The following TMEM150C variants were observed in gnomAD, a reference collection of about 807,000 sequenced individuals.
TMEM150C encodes the protein tentonin 3.
A neutral mutation model predicts 29.9 loss-of-function variants in TMEM150C; 10 were observed. That is an observed-to-expected ratio of 0.33 (90% CI 0.21 to 0.57). TMEM150C has a LOEUF of 0.57. TMEM150C is among the 20% of genes least tolerant of loss of function. The probability of loss-of-function intolerance (pLI) is 0.88; values close to 1 mark genes in which losing one functional copy is unlikely to be tolerated. For missense variants in TMEM150C, 251 were observed against 303.6 expected, an observed-to-expected ratio of 0.83 and a Z score of 1.29; for synonymous variants, 101 against 112.5, an observed-to-expected ratio of 0.90 and a Z score of 0.64.
chr4:82,561,649 G>A (rs1725934726), intron 1 of TMEM150C, among the ~76,000 whole-genome samples: 1 of 147,698 alleles, frequency 6.8e-6, no homozygotes, highest in African/African-American at 2.4e-5. Flanking sequence ...AGGTCGCGGG[G>A]CAGAGCCGGC....
chr4:82,534,535 A>T (rs1437742480), intron 1 of TMEM150C, among the ~76,000 whole-genome samples: 1 of 152,232 alleles, frequency 6.6e-6, no homozygotes, highest in South Asian at 2.1e-4. Flanking sequence ...AAATAAATGG[A>T]GAGACAGTAA....
intron 5 of TMEM150C, 91 bp from the exon 6 acceptor site, chr4:82,496,286 T>A (rs547514087): frequency 7.6e-7 from 1 of 1,307,648 alleles, no homozygotes; most frequent in Admixed American, 2.3e-5. Context: ...TTTTTTATGC[T>A]GCACTATTTT....
At chr4:82,521,494 T>C (rs1244336443) in intron 1 of TMEM150C, among the ~76,000 whole-genome samples, 2 of 152,218 alleles carry the variant, frequency 1.3e-5, no homozygotes, top group Non-Finnish European at 1.5e-5. Flanking sequence ...AGCCTGAAAA[T>C]TGCCATACAC....
intron 1 of TMEM150C, among the ~76,000 whole-genome samples, chr4:82,552,180 G>A (rs1013092128): frequency 3.9e-5 from 6 of 152,090 alleles, no homozygotes; most frequent in South Asian, 2.1e-4. Context: ...CATGCTTCTC[G>A]TACAGCCTGC....
chr4:82,513,977 T>C (rs1724212776), intron 1 of TMEM150C, among the ~76,000 whole-genome samples: 1 of 152,238 alleles, frequency 6.6e-6, no homozygotes, highest in South Asian at 2.1e-4. Flanking sequence ...GCCAGTAATA[T>C]GACTGTTGCA....
intron 1 of TMEM150C, among the ~76,000 whole-genome samples, chr4:82,557,362 C>T (rs1725766165): frequency 6.6e-6 from 1 of 152,144 alleles, no homozygotes; most frequent in South Asian, 2.1e-4. Context: ...TCAGCTGCTC[C>T]TGGAGCCAGG....
At chr4:82,558,067 T>C (rs534917923) in intron 1 of TMEM150C, among the ~76,000 whole-genome samples, 1 of 152,210 alleles carries the variant, frequency 6.6e-6, no homozygotes, top group South Asian at 2.1e-4. Flanking sequence ...GATTATGAAG[T>C]CAAATCTCAA....
intron 1 of TMEM150C, among the ~76,000 whole-genome samples, chr4:82,541,912 T>C (rs1725213453): frequency 6.6e-6 from 1 of 152,220 alleles, no homozygotes; most frequent in Non-Finnish European, 1.5e-5. Flanking sequence ...TCTATAATAT[T>C]ATTTTGTTTT....
chr4:82,496,867 T>C (rs1578124266), intron 5 of TMEM150C, among the ~76,000 whole-genome samples: 2 of 152,222 alleles, frequency 1.3e-5, no homozygotes, highest in East Asian at 3.8e-4. Flanking sequence ...ACAACAAAGA[T>C]AGTTAATCCA....
chr4:82,487,107 C>G (rs1723188298), intron 7 of TMEM150C, among the ~76,000 whole-genome samples: 1 of 152,084 alleles, frequency 6.6e-6, no homozygotes, highest in Non-Finnish European at 1.5e-5. Flanking sequence ...AAAAAAGATT[C>G]CACGTGTTCA....
chr4:82,551,428 TG>T (rs1259579889), intron 1 of TMEM150C, among the ~76,000 whole-genome samples: 1 of 152,218 alleles, frequency 6.6e-6, no homozygotes, highest in Non-Finnish European at 1.5e-5. Context: ...AAATCATATT[TG>T]AATGAATGAG....
At position 82,486,257 on chromosome 4, in the gene TMEM150C, T is replaced by A. The variant is rs573187699; in HGVS notation, c.542-538A>T. Among the ~76,000 whole-genome samples, 822 of 131,670 alleles carry A rather than the reference T, an allele frequency of 6.2e-3. 11 individuals are homozygous for A. Among genetic ancestry groups the A allele is most frequent in the African/African-American group, 0.022 (740 of 33,968 alleles). 86.4% of individuals were successfully genotyped at this position (131,670 alleles called of 152,430 possible). ...GTTTGCCAGAAAAATTAAGCTATTT[T>A]AAAAAAAAATCACTGCAAATGGTGA... is the stretch of plus-strand genomic sequence containing the variant. On this transcript the variant is annotated intron_variant, in intron 7 of 7. Coordinates refer to ENST00000449862, the MANE Select transcript of TMEM150C (RefSeq NM_001080506.3).
chr4:82,510,680 G>A (rs966505420), intron 1 of TMEM150C, among the ~76,000 whole-genome samples: 2 of 152,210 alleles, frequency 1.3e-5, no homozygotes, highest in East Asian at 1.9e-4. Context: ...TGAAAGTGCT[G>A]TTGGGGGTCT....
intron 7 of TMEM150C, among the ~76,000 whole-genome samples, chr4:82,487,319 T>C (rs561195756): frequency 3.6e-4 from 55 of 152,228 alleles, no homozygotes; most frequent in African/African-American, 1.3e-3. Flanking sequence ...TGTTTTGGTG[T>C]GTGCCTGTAA....
chr4:82,549,895 C>T (rs1055015097), intron 1 of TMEM150C, among the ~76,000 whole-genome samples: 1 of 151,966 alleles, frequency 6.6e-6, no homozygotes, highest in Non-Finnish European at 1.5e-5. Flanking sequence ...GGTACAGGAC[C>T]ACAGAAGAGA....
At chr4:82,500,761 T>C (rs538756962) in intron 5 of TMEM150C, among the ~76,000 whole-genome samples, 5 of 152,384 alleles carry the variant, frequency 3.3e-5, no homozygotes, top group Admixed American at 3.3e-4. Context: ...TAAAGACCAC[T>C]GGGAAATATC....
At chr4:82,521,106 A>G (rs1724470503) in intron 1 of TMEM150C, among the ~76,000 whole-genome samples, 1 of 152,170 alleles carries the variant, frequency 6.6e-6, no homozygotes, top group South Asian at 2.1e-4. Flanking sequence ...GTCTTGGCAA[A>G]AATGGTACCT....
chr4:82,496,444 A>C (rs1315866244), intron 5 of TMEM150C, among the ~76,000 whole-genome samples: 2 of 152,200 alleles, frequency 1.3e-5, no homozygotes, highest in Non-Finnish European at 2.9e-5. Context: ...TATTATACTC[A>C]ATCTGGGGAA....
intron 5 of TMEM150C, among the ~76,000 whole-genome samples, chr4:82,497,372 TG>T (rs1424169922): frequency 2.0e-5 from 3 of 152,192 alleles, no homozygotes; most frequent in African/African-American, 7.2e-5. Flanking sequence ...GCAATTAAGT[TG>T]GTAATTATTT....
Sources: gnomAD v4.1 joint callset for allele counts (sites outside exome capture counted in the v4.1 genomes callset) on GRCh38, gnomAD v4.1.1 for gene constraint, MANE v1.5 for transcripts, NCBI Gene and HGNC (gene_info 2026-07-23, HGNC 2026-07-21) for gene names.